The following ARCN1 variants were observed in gnomAD, a reference collection of about 807,000 sequenced individuals.
The protein encoded by ARCN1 is archain 1 coat protein complex I subunit delta.
In ARCN1, 5 loss-of-function variants were observed where a neutral mutation model predicts 60.4. That is an observed-to-expected ratio of 0.08 (90% CI 0.04 to 0.17). The LOEUF is 0.17. Ranked by LOEUF, ARCN1 falls within the 10% of genes least tolerant of loss-of-function variation. The pLI is 1.00. For synonymous variants in ARCN1, 224 were observed against 220.0 expected (o/e 1.02, Z -0.16); for missense variants, 464 against 626.5 (o/e 0.74, Z 2.77).
In ARCN1 at chr11:118,593,638, A is replaced by G. The variant is rs782513816; in HGVS notation, c.1181A>G (p.Glu394Gly). ...ESGNGCDVNI[E>G]YELQEDNLEL... ...GGAAATGGCTGTGATGTCAACATAG[A>G]ATATGAGCTACAAGAAGATAATTTA... The change falls in exon 8 of 10, where the codon GAA becomes GGA. Residue 394 changes from glutamate to glycine, a missense_variant. Transcript: ENST00000264028. 2.5e-6 allele frequency: 4 copies of G among 1,613,840 alleles called. No individual in the cohort carries two copies. The South Asian group carries it at 4.4e-5, about 18-fold the overall frequency.
intron 1 of ARCN1, among the ~76,000 whole-genome samples, chr11:118,579,207 T>G (rs1555074214): frequency 6.6e-6 from 1 of 152,014 alleles, no homozygotes; most frequent in East Asian, 1.9e-4. Context: ...TCCCAGTCAT[T>G]TAGTTTTTCT....
In ARCN1 at chr11:118,602,869, C is replaced by T. The variant is rs1555078394; in HGVS notation, c.*2155C>T. The T allele has an allele frequency of 6.5e-6, 1 of 153,542 alleles. No individual in the cohort carries two copies. The highest frequency in any genetic ancestry group is 1.5e-5 in the Non-Finnish European group (1 of 68,024). The allele number at this position is 153,542 out of a possible 1,614,324, so 9.5% of individuals were successfully genotyped here. A position where few individuals can be genotyped will look rare whatever the true frequency, so the allele number is the denominator to read the frequency against. ...CCTGTAAAATACATAGGGAATATAA[C>T]ATTCCAGTGTATACAAAGAAGGCAA... On this transcript the variant is annotated 3_prime_UTR_variant, in exon 10 of 10. Coordinates refer to ENST00000264028, the MANE Select transcript of ARCN1 (RefSeq NM_001655.5).
rs140215344 is a variant in ARCN1, at chr11:118,580,248, C to A, written c.4-998C>A. The stretch of plus-strand genomic sequence containing the variant: ...GCTGAGGCAGGAGGATTGTTCAAGC[C>A]CAGAAGTTGAGGCTACGGTGAGCCA... On this transcript the variant is annotated intron_variant, in intron 1 of 9. Coordinates refer to ENST00000264028, the MANE Select transcript of ARCN1 (RefSeq NM_001655.5). Among the ~76,000 whole-genome samples, 259 of 152,164 alleles carry A rather than the reference C, an allele frequency of 1.7e-3. 1 individual carries two copies. The highest frequency in any genetic ancestry group is 5.9e-3 in the African/African-American group (243 of 41,518).
chr11:118,602,884 A>C lies in ARCN1; in HGVS notation c.*2170A>C, dbSNP rs1346197948. ...GGGAATATAACATTCCAGTGTATAC[A>C]AAGAAGGCAAATTCTTTAATCAAAT... On this transcript the variant is annotated 3_prime_UTR_variant, in exon 10 of 10. Coordinates refer to ENST00000264028, the MANE Select transcript of ARCN1 (RefSeq NM_001655.5). 1.3e-5 allele frequency: 2 copies of C among 153,708 alleles called. No individual in the cohort carries two copies. The highest frequency in any genetic ancestry group is 2.1e-4 in the South Asian group (1 of 4,834). The allele number at this position is 153,708 out of a possible 1,614,324, so 9.5% of individuals were successfully genotyped here. A position where few individuals can be genotyped will look rare whatever the true frequency, so the allele number is the denominator to read the frequency against.
At chr11:118,593,370 G>A (rs1371102070) in intron 7 of ARCN1, among the ~76,000 whole-genome samples, 7 of 151,460 alleles carry the variant, frequency 4.6e-5, no homozygotes, top group African/African-American at 1.7e-4. Context: ...TAGGAGAACA[G>A]GGAAGTGCCA....
At chr11:118,587,711 C>T (rs2135546849) in intron 5 of ARCN1, among the ~76,000 whole-genome samples, 1 of 152,286 alleles carries the variant, frequency 6.6e-6, no homozygotes, top group East Asian at 1.9e-4. Context: ...ATGCTATCTA[C>T]CTGGGAATAG....
intron 8 of ARCN1, 34 bp downstream of exon 8, chr11:118,593,732 T>C (rs1555076715): frequency 1.4e-6 from 2 of 1,438,424 alleles, no homozygotes; most frequent in Non-Finnish European, 2.0e-6. Flanking sequence ...TACGGTGGAC[T>C]TAGAGAACTG....
At position 118,601,992 on chromosome 11, in the gene ARCN1, G is replaced by T. The variant is rs1939157656; in HGVS notation, c.*1278G>T. 2 of 439,228 alleles carry T rather than the reference G, an allele frequency of 4.6e-6. No homozygotes were observed. Among genetic ancestry groups the T allele is most frequent in the Non-Finnish European group, 8.2e-6 (2 of 243,894 alleles). The allele number at this position is 439,228 out of a possible 1,614,324, so 27.2% of individuals were successfully genotyped here. A position where few individuals can be genotyped will look rare whatever the true frequency, so the allele number is the denominator to read the frequency against. ...TTTCACCACCTCCCTCTTCCAGACT[G>T]CACTCTCTGTCATCAGTCCCCTCCT... On this transcript the variant is annotated 3_prime_UTR_variant, in exon 10 of 10. Transcript: ENST00000264028.
At chr11:118,572,803 G>A (rs1333599642) in intron 1 of ARCN1, 1 of 460,542 alleles carries the variant, frequency 2.2e-6, no homozygotes, top group African/African-American at 2.0e-5. Flanking sequence ...CTCGTTTGCT[G>A]GGACCTGCCC....
chr11:118,593,727 T>A, intron 8 of ARCN1, 29 bp downstream of exon 8: 1 of 1,482,476 alleles, frequency 6.7e-7, no homozygotes. Flanking sequence ...TCCTCTACGG[T>A]GGACTTAGAG....
chr11:118,585,465 C>CT (rs1938757774), intron 5 of ARCN1, among the ~76,000 whole-genome samples: 3 of 152,168 alleles, frequency 2.0e-5, no homozygotes. Context: ...TAATTAAAGT[C>CT]TAAGTAGAAC....
intron 5 of ARCN1, among the ~76,000 whole-genome samples, chr11:118,585,489 A>G (rs1178424404): frequency 6.6e-6 from 1 of 152,198 alleles, no homozygotes; most frequent in African/African-American, 2.4e-5. Context: ...TCTTTAATCC[A>G]AAACTTGTAG....
rs1555076539 is a variant in ARCN1, at chr11:118,592,824, A to G, written c.1100A>G (p.Gln367Arg). Residue 367 changes from glutamine (Q) to arginine (R), a missense_variant, in exon 7 of 10, where the codon CAA (glutamine) becomes CGA (arginine). Gln to Arg is a conservative substitution (Grantham distance 43). This residue lies in a region of ARCN1 where 359 missense variants were observed against 440.2 expected (regional missense o/e 0.82). Transcript: ENST00000264028. ...SDVGVLKWRLQTTEESFIPLT... is the reference protein window; with the variant it reads ...SDVGVLKWRLRTTEESFIPLT... ...GTAGGGGTGCTAAAGTGGAGACTAC[A>G]AACCACAGAGGAATCTTTTATTCCA... is the stretch of plus-strand genomic sequence containing the variant. The G allele has an allele frequency of 1.2e-6, 2 of 1,614,068 alleles. No homozygotes were observed. The highest frequency in any genetic ancestry group is 1.7e-6 in the Non-Finnish European group (2 of 1,180,004).
chr11:118,591,021 G>A (rs1433939039), intron 6 of ARCN1, among the ~76,000 whole-genome samples: 1 of 152,166 alleles, frequency 6.6e-6, no homozygotes, highest in South Asian at 2.1e-4. Context: ...AATTAGCCAG[G>A]CGTGGTGGCA....
intron 9 of ARCN1, among the ~76,000 whole-genome samples, chr11:118,599,936 C>T (rs1328106597): frequency 6.6e-6 from 1 of 152,092 alleles, no homozygotes; most frequent in African/African-American, 2.4e-5. Flanking sequence ...TGACATAACC[C>T]CATCAGTGTT....
rs1364713110 is a variant in ARCN1, at chr11:118,597,616, T to C, written c.1242-91T>C. On this transcript the variant is annotated intron_variant, in intron 8 of 9. Transcript: ENST00000264028. ...AAATTGTAGTCCTAGAAGGCAAAAT[T>C]TGGGGATCATATATCAAATTTGGGG... The C allele has an allele frequency of 4.1e-6, 6 of 1,453,442 alleles. 1 individual carries two copies. The highest frequency in any genetic ancestry group is 3.7e-6 in the Non-Finnish European group (4 of 1,069,072). 90.0% of individuals were successfully genotyped at this position (1,453,442 alleles called of 1,614,324 possible). A position where few individuals can be genotyped will look rare whatever the true frequency, so the allele number is the denominator to read the frequency against.
Position 118,600,675 on chromosome 11 carries a change from A to T in ARCN1, c.1497A>T (p.Thr499=). The T allele has an allele frequency of 6.2e-7, 1 of 1,612,636 alleles. No homozygotes were observed. The highest frequency in any genetic ancestry group is 8.5e-7 in the Non-Finnish European group (1 of 1,179,384). ...VDGNSPVRFS[T]ETTFLVDKYE... ...GAAACAGCCCCGTCAGGTTTTCCAC[A>T]GAGACCACTTTCCTAGTGGATAAGT... The change falls in exon 10 of 10, where the codon ACA becomes ACT. Residue 499 remains threonine (T), a synonymous_variant. Transcript: ENST00000264028.
intron 1 of ARCN1, among the ~76,000 whole-genome samples, chr11:118,579,348 G>A (rs968854775): frequency 1.3e-5 from 2 of 151,970 alleles, no homozygotes; most frequent in African/African-American, 4.8e-5. Context: ...AAGAAGGAAA[G>A]CTTTTTGCCA....
At chr11:118,577,927 G>A (rs1007155399) in intron 1 of ARCN1, among the ~76,000 whole-genome samples, 31 of 152,082 alleles carry the variant, frequency 2.0e-4, no homozygotes, top group African/African-American at 6.3e-4. Context: ...AGGCCAAGGC[G>A]CGCAGATGAC....
Sources: gnomAD v4.1 joint callset for allele counts (sites outside exome capture counted in the v4.1 genomes callset) on GRCh38, gnomAD v4.1.1 for gene constraint, gnomAD v4.1.1 regional missense constraint, MANE v1.5 for transcripts, NCBI Gene and HGNC (gene_info 2026-07-23, HGNC 2026-07-21) for gene names.